The following OXR1 variants were observed in gnomAD, a reference collection of about 807,000 sequenced individuals.
The protein encoded by OXR1 is oxidation resistance protein 1.
OXR1 carries 41 observed loss-of-function variants against 104.6 expected under a neutral mutation model. That is an observed-to-expected ratio of 0.39 (90% CI 0.31 to 0.51). The LOEUF (loss-of-function observed/expected upper bound fraction) is 0.51. Ranked by LOEUF, OXR1 falls within the 20% of genes least tolerant of loss-of-function variation. The pLI, the probability that OXR1 is intolerant of heterozygous loss-of-function variation, is 0.77. For missense variants in OXR1, 955 were observed against 1,031.9 expected, an observed-to-expected ratio of 0.93 and a Z score of 1.02; for synonymous variants, 348 against 348.4, an observed-to-expected ratio of 1.00 and a Z score of 0.01.
chr8:106,585,322 G>T (rs1818548658), intron 3 of OXR1, among the ~76,000 whole-genome samples: 1 of 151,970 alleles, frequency 6.6e-6, no homozygotes, highest in Non-Finnish European at 1.5e-5. Context: ...GACTTCTAAA[G>T]CCCACTCCTT....
At chr8:106,663,629 A>G (rs1825979545) in intron 3 of OXR1, among the ~76,000 whole-genome samples, 1 of 152,186 alleles carries the variant, frequency 6.6e-6, no homozygotes, top group Non-Finnish European at 1.5e-5. Context: ...AGGAACCAGG[A>G]TGCACAGCGG....
chr8:106,375,074 T>C (rs1816854626), intron 2 of OXR1, among the ~76,000 whole-genome samples: 1 of 152,256 alleles, frequency 6.6e-6, no homozygotes, highest in Admixed American at 6.5e-5. Flanking sequence ...CGTCCCTGTG[T>C]GTATTTTCAC....
chr8:106,563,553 C>T (rs1816850967), intron 3 of OXR1, among the ~76,000 whole-genome samples: 5 of 152,120 alleles, frequency 3.3e-5, no homozygotes. Context: ...GACTTTAACA[C>T]TCCACTGTCA....
At chr8:106,576,022 A>ACACACAC (rs1563616860) in intron 3 of OXR1, among the ~76,000 whole-genome samples, 15 of 150,516 alleles carry the variant, frequency 1.0e-4, no homozygotes, top group South Asian at 4.2e-4. Context: ...ACACACACAC[A>ACACACAC]AAACCCTGAA....
At chr8:106,413,993 G>T (rs796363474) in intron 2 of OXR1, among the ~76,000 whole-genome samples, 3 of 152,214 alleles carry the variant, frequency 2.0e-5, no homozygotes, top group African/African-American at 7.2e-5. Context: ...CTCCCAAAGT[G>T]CTGGGATTAC....
intron 2 of OXR1, among the ~76,000 whole-genome samples, chr8:106,477,621 T>G (rs1329973513): frequency 6.6e-6 from 1 of 151,974 alleles, no homozygotes; most frequent in African/African-American, 2.4e-5. Flanking sequence ...GTGACATACC[T>G]TTTTATTTTT....
At chr8:106,392,707 T>C (rs1817631613) in intron 2 of OXR1, among the ~76,000 whole-genome samples, 2 of 152,174 alleles carry the variant, frequency 1.3e-5, no homozygotes, top group Admixed American at 1.3e-4. Flanking sequence ...AATTTTCCTG[T>C]AACCTAGTTA....
At chr8:106,465,636 T>G (rs1418239853) in intron 2 of OXR1, among the ~76,000 whole-genome samples, 1 of 151,934 alleles carries the variant, frequency 6.6e-6, no homozygotes, top group Non-Finnish European at 1.5e-5. Context: ...CCCTGCAAGA[T>G]TTGATGAGGG....
chr8:106,577,817 G>A (rs1817963842), intron 3 of OXR1, among the ~76,000 whole-genome samples: 2 of 152,152 alleles, frequency 1.3e-5, no homozygotes, highest in Admixed American at 6.5e-5. Context: ...CTGCAAGGCC[G>A]GAACTGGGAG....
chr8:106,466,743 G>T (rs1821190799), intron 2 of OXR1, among the ~76,000 whole-genome samples: 1 of 151,846 alleles, frequency 6.6e-6, no homozygotes, highest in Admixed American at 6.6e-5. Flanking sequence ...CCACAGTGTT[G>T]CGTCATGGAA....
At chr8:106,724,740 C>T (rs1243870770) in intron 11 of OXR1, among the ~76,000 whole-genome samples, 1 of 152,130 alleles carries the variant, frequency 6.6e-6, no homozygotes, top group African/African-American at 2.4e-5. Context: ...CCAGCCTCCT[C>T]AGAAACACAT....
chr8:106,496,407 T>C (rs1811412821), intron 2 of OXR1, among the ~76,000 whole-genome samples: 1 of 152,140 alleles, frequency 6.6e-6, no homozygotes, highest in Non-Finnish European at 1.5e-5. Context: ...GCCTCAAATC[T>C]CAGTAGTGTA....
At chr8:106,577,603 T>C (rs1164700182) in intron 3 of OXR1, among the ~76,000 whole-genome samples, 2 of 152,042 alleles carry the variant, frequency 1.3e-5, no homozygotes. Context: ...TCGGCCAGGC[T>C]GGTCTCGAAC....
intron 2 of OXR1, among the ~76,000 whole-genome samples, chr8:106,462,830 A>G (rs1290644651): frequency 1.3e-5 from 2 of 152,074 alleles, no homozygotes; most frequent in Non-Finnish European, 1.5e-5. Context: ...TCAACCCACC[A>G]TATCTTGAGG....
chr8:106,275,569 G>A (rs954333084), intron 1 of OXR1, among the ~76,000 whole-genome samples: 1 of 152,120 alleles, frequency 6.6e-6, no homozygotes, highest in Non-Finnish European at 1.5e-5. Context: ...TGTTATTTTG[G>A]GTACTAGGGA....
intron 3 of OXR1, among the ~76,000 whole-genome samples, chr8:106,563,079 C>T (rs1816798075): frequency 1.3e-5 from 2 of 152,070 alleles, no homozygotes; most frequent in African/African-American, 4.8e-5. Context: ...GGCAAAATAA[C>T]CAGCTAGCCA....
rs547287497 is a variant in OXR1 at position 106,292,452 on chromosome 8, T to C, written c.-139+22085T>C. ...CAAAAGTGATAGCCAGAGTGCGTGA[T>C]GAGTGACTAGTTAAGATGGAAAAAG... is the stretch of plus-strand genomic sequence containing the variant. On this transcript the variant is annotated intron_variant, in intron 1 of 16. Coordinates refer to ENST00000517566, the MANE Select transcript of OXR1 (RefSeq NM_001198533.2). Among the ~76,000 whole-genome samples the C allele has an allele frequency of 9.5e-4, 144 of 152,198 alleles. 1 individual carries two copies. The highest frequency in any genetic ancestry group is 3.5e-3 in the Admixed American group (54 of 15,290).
At chr8:106,667,996 AT>A (rs1416525908) in intron 3 of OXR1, among the ~76,000 whole-genome samples, 2 of 151,550 alleles carry the variant, frequency 1.3e-5, no homozygotes, top group Non-Finnish European at 2.9e-5. Context: ...AAAATTACAG[AT>A]ACTGTTATTA....
chr8:106,288,024 C>A (rs1429008745), intron 1 of OXR1, among the ~76,000 whole-genome samples: 1 of 152,150 alleles, frequency 6.6e-6, no homozygotes, highest in Non-Finnish European at 1.5e-5. Context: ...AGTTCTTCTA[C>A]CAAAAGGAGT....
Sources: gnomAD v4.1 joint callset for allele counts (sites outside exome capture counted in the v4.1 genomes callset) on GRCh38, gnomAD v4.1.1 for gene constraint, MANE v1.5 for transcripts, NCBI Gene and HGNC (gene_info 2026-07-23, HGNC 2026-07-21) for gene names.